Variants in KCNA2 observed in about 807,000 individuals in gnomAD.
KCNA2 encodes potassium voltage-gated channel subfamily A member 2, also known as potassium channel, voltage gated shaker related subfamily A, member 2.
In KCNA2, 11 loss-of-function variants were observed where a neutral mutation model predicts 33.4. The observed-to-expected ratio is 0.33, with a 90% CI of 0.21 to 0.55. The LOEUF (loss-of-function observed/expected upper bound fraction) is 0.55, where lower values mean the gene tolerates loss of function less well. Ranked by LOEUF, KCNA2 falls within the 20% of genes least tolerant of loss-of-function variation. KCNA2 has a pLI of 0.93. For missense variants in KCNA2, 291 were observed against 621.6 expected, an observed-to-expected ratio of 0.47 and a Z score of 5.66; for synonymous variants, 222 against 231.3, an observed-to-expected ratio of 0.96 and a Z score of 0.37.
rs536804154 is a variant in KCNA2 at position 110,616,998 on chromosome 1, G to T, written c.-495-11276C>A. On this transcript the variant is annotated intron_variant, in intron 1 of 4. Transcript: ENST00000369770. ...TCACCAAGGATGGAAATTGAGAGAT[G>T]TCTTTACGGAGGAGCAGAATGTCCA... Among the ~76,000 whole-genome samples the T allele has an allele frequency of 9.8e-5, 15 of 152,370 alleles. No homozygotes were observed. In the South Asian group the frequency reaches 3.1e-3, roughly 32 times the overall value.
At chr1:110,612,491 T>C in intron 1 of KCNA2, among the ~76,000 whole-genome samples, 1 of 152,158 alleles carries the variant, frequency 6.6e-6, no homozygotes, top group Non-Finnish European at 1.5e-5. Flanking sequence ...ACACTCCACA[T>C]GCAGCCAATC....
chr1:110,600,214 G>C lies in KCNA2; in HGVS notation c.*3069C>G. On this transcript the variant is annotated 3_prime_UTR_variant, in exon 3 of 3. Coordinates refer to ENST00000316361, the MANE Select transcript of KCNA2 (RefSeq NM_004974.4). The stretch of plus-strand genomic sequence containing the variant: ...TGTCTGCATTTCATGTGTATTGTGC[G>C]ATATTTTTGGGCATGTGTGCTATGT... 6 of 981,896 alleles carry C rather than the reference G, an allele frequency of 6.1e-6. No individual in the cohort carries two copies. Among genetic ancestry groups the C allele is most frequent in the Non-Finnish European group, 7.2e-6 (6 of 829,310 alleles). The allele number at this position is 981,896 out of a possible 1,614,324, so 60.8% of individuals were successfully genotyped here. A position where few individuals can be genotyped will look rare whatever the true frequency, so the allele number is the denominator to read the frequency against.
At position 110,603,295 on chromosome 1, in the gene KCNA2, T is replaced by A. The variant is rs772464176; in HGVS notation, c.1488A>T (p.Leu496Phe). 1 of 1,604,296 alleles carries A rather than the reference T, an allele frequency of 6.2e-7. No homozygotes were observed. The highest frequency in any genetic ancestry group is 8.5e-7 in the Non-Finnish European group (1 of 1,175,392). Reference protein sequence around the residue: ...NTNYVNITKMLTDV With the variant: ...NTNYVNITKMFTDV ...TAATAGGTTTCAATCAGACATCAGT[T>A]AACATTTTGGTAATATTCACATAGT... The change falls in exon 3 of 3, where the codon TTA (leucine) becomes TTT (phenylalanine). Residue 496 changes from leucine to phenylalanine, a missense_variant. Around this residue, in one of 5 missense-constraint regions of KCNA2, gnomAD observed 65 missense variants for 95.1 expected, o/e 0.68. Coordinates refer to ENST00000316361, the MANE Select transcript of KCNA2 (RefSeq NM_004974.4). This position sits in a 1 kb window ranked among gnomAD's most constrained non-coding sequence, Gnocchi z 5.7.
chr1:110,614,101 CT>C (rs1212759255), intron 1 of KCNA2, among the ~76,000 whole-genome samples: 1 of 152,206 alleles, frequency 6.6e-6, no homozygotes, highest in Non-Finnish European at 1.5e-5. Flanking sequence ...GCAATTCTTC[CT>C]CCCCTCCCCT....
Position 110,604,359 on chromosome 1 carries a change from C to A in KCNA2, c.424G>T (p.Glu142Ter). 1 of 1,613,748 alleles carries A rather than the reference C, an allele frequency of 6.2e-7. No individual in the cohort carries two copies. Among genetic ancestry groups the A allele is most frequent in the Non-Finnish European group, 8.5e-7 (1 of 1,179,902 alleles). ...YIKEEERPLP[E>*]NEFQRQVWLL... The stretch of plus-strand genomic sequence containing the variant: ...CACACTTGTCTCTGAAACTCATTTT[C>A]AGGCAGAGGACGCTCTTCCTCCTTG... The change falls in exon 3 of 3, where the codon GAA becomes TAA. Residue 142 changes from glutamate to a stop codon, truncating the protein, a stop_gained. Coordinates refer to ENST00000316361, the MANE Select transcript of KCNA2 (RefSeq NM_004974.4). LOFTEE classifies it high-confidence loss of function. This position sits in a 1 kb window ranked among gnomAD's most constrained non-coding sequence, Gnocchi z 7.6.
At chr1:110,626,788 G>A (rs1650403139) in intron 1 of KCNA2, among the ~76,000 whole-genome samples, 2 of 152,120 alleles carry the variant, frequency 1.3e-5, no homozygotes, top group African/African-American at 4.8e-5. Context: ...AGCCAGACCA[G>A]ACTGGTTCTG....
chr1:110,619,965 T>G (rs531773879), intron 1 of KCNA2, among the ~76,000 whole-genome samples: 1 of 152,222 alleles, frequency 6.6e-6, no homozygotes, highest in Admixed American at 6.5e-5. Flanking sequence ...CACCTCTCCC[T>G]GTTCACGTGC....
At chr1:110,612,656 G>A (rs4839072) in intron 1 of KCNA2, among the ~76,000 whole-genome samples, 27,461 of 152,114 alleles carry the variant, frequency 0.18, 3,560 homozygotes, top group East Asian at 0.41. Flanking sequence ...CCCCACAGTT[G>A]CTATAGAGAC....
chr1:110,623,368 CA>C lies in KCNA2; in HGVS notation c.-496+8026del, dbSNP rs142365866. Among the ~76,000 whole-genome samples, 676 of 152,196 alleles carry C rather than the reference CA, an allele frequency of 4.4e-3. 6 individuals are homozygous for C. The highest frequency in any genetic ancestry group is 0.015 in the African/African-American group (642 of 41,534). On this transcript the variant is annotated intron_variant, in intron 1 of 4. Transcript: ENST00000369770. ...AAAACTATATAATTTCTAGAAAAAA[CA>C]GAAAATGTTTTGACCTTGTGACCTT...
chr1:110,593,800 A>C lies in KCNA2; in HGVS notation c.*9483T>G, dbSNP rs565899294. ...AACCTATGTACAAATATCAGACCCTACTGACACAGGAACTCTCAGCTGCAG... is the reference window on the plus strand; with the variant it reads ...AACCTATGTACAAATATCAGACCCTCCTGACACAGGAACTCTCAGCTGCAG... On this transcript the variant is annotated 3_prime_UTR_variant, in exon 3 of 3. Transcript: ENST00000316361. 1 of 1,481,284 alleles carries C rather than the reference A, an allele frequency of 6.8e-7. No individual in the cohort carries two copies. The highest frequency in any genetic ancestry group is 2.0e-5 in the Admixed American group (1 of 49,342). The allele number at this position is 1,481,284 out of a possible 1,614,324, so 91.8% of individuals were successfully genotyped here. A position where few individuals can be genotyped will look rare whatever the true frequency, so the allele number is the denominator to read the frequency against.
intron 1 of KCNA2, among the ~76,000 whole-genome samples, chr1:110,618,636 C>T (rs1241608075): frequency 6.6e-6 from 1 of 152,186 alleles, no homozygotes; most frequent in Non-Finnish European, 1.5e-5. Flanking sequence ...CACCGAACAT[C>T]ATGACTTAGA....
chr1:110,629,632 C>T (rs1057003524), intron 1 of KCNA2, among the ~76,000 whole-genome samples: 13 of 152,192 alleles, frequency 8.5e-5, no homozygotes, highest in Admixed American at 8.5e-4. Flanking sequence ...TTGTGAGCAA[C>T]TTGAGGGCAG....
chr1:110,607,111 G>C (rs183679670), upstream of KCNA2: 124 of 152,372 alleles, frequency 8.1e-4, no homozygotes, highest in African/African-American at 3.0e-3. Context: ...GGCAGTGGTC[G>C]GCAAGGGCTT....
chr1:110,600,898 A>G lies in KCNA2; in HGVS notation c.*2385T>C, dbSNP rs886532516. On this transcript the variant is annotated 3_prime_UTR_variant, in exon 3 of 3. Coordinates refer to ENST00000316361, the MANE Select transcript of KCNA2 (RefSeq NM_004974.4). The stretch of plus-strand genomic sequence containing the variant: ...GAGCTGGTGCCCCATGCCCCAAGAC[A>G]ACTGTAGGTGCTAACTAGGCAGCAG... The G allele has an allele frequency of 2.0e-6, 2 of 985,462 alleles. No individual in the cohort carries two copies. Among genetic ancestry groups the G allele is most frequent in the Non-Finnish European group, 2.4e-6 (2 of 829,996 alleles). The allele number at this position is 985,462 out of a possible 1,614,324, so 61.0% of individuals were successfully genotyped here.
intron 1 of KCNA2, among the ~76,000 whole-genome samples, chr1:110,619,794 C>T (rs899013052): frequency 4.6e-5 from 7 of 152,210 alleles, no homozygotes; most frequent in Non-Finnish European, 8.8e-5. Flanking sequence ...CCTGAGGTCA[C>T]CTCTCTGACA....
rs191846589 is a variant in KCNA2, at chr1:110,594,827, G to A, written c.*8456C>T. On this transcript the variant is annotated 3_prime_UTR_variant, in exon 3 of 3. Transcript: ENST00000316361. ...CCATTTCTTAGCCTGGAGCTGATGTGCTCCTTTCCAGCCCCACCTGGCAGG... is the reference window on the plus strand; with the variant it reads ...CCATTTCTTAGCCTGGAGCTGATGTACTCCTTTCCAGCCCCACCTGGCAGG... 11 of 985,416 alleles carry A rather than the reference G, an allele frequency of 1.1e-5. No individual in the cohort carries two copies. The allele number at this position is 985,416 out of a possible 1,614,324, so 61.0% of individuals were successfully genotyped here. A position where few individuals can be genotyped will look rare whatever the true frequency, so the allele number is the denominator to read the frequency against.
chr1:110,603,434 G>C lies in KCNA2; in HGVS notation c.1349C>G (p.Ala450Gly). Residue 450 changes from alanine (A) to glycine (G), a missense_variant, in exon 3 of 3, where the codon GCC (alanine) becomes GGC (glycine). Ala to Gly is a moderately conservative substitution (Grantham distance 60, BLOSUM62 0). Coordinates refer to ENST00000316361, the MANE Select transcript of KCNA2 (RefSeq NM_004974.4). The surrounding 1 kb of genome is among the most constrained non-coding windows in gnomAD (Gnocchi z 5.7). ...GTAATCAGACTTACTAATGGTAGAG[G>C]CACTTCTACTTTTCTTTAGGTCAGG... Reference protein sequence around the residue: ...SSPDLKKSRSASTISKSDYME... With the variant: ...SSPDLKKSRSGSTISKSDYME... 6.2e-7 allele frequency: 1 copy of C among 1,614,068 alleles called. No homozygotes were observed. The highest frequency in any genetic ancestry group is 1.1e-5 in the South Asian group (1 of 91,070).
Position 110,603,109 on chromosome 1 carries a change from T to C in KCNA2, c.*174A>G, listed in dbSNP as rs1197450200. The stretch of plus-strand genomic sequence containing the variant: ...GTGATGAGGATGTGCATGAAAGCCA[T>C]GATAGATATTCTGTGTTCTAAATCA... On this transcript the variant is annotated 3_prime_UTR_variant, in exon 3 of 3. Coordinates refer to ENST00000316361, the MANE Select transcript of KCNA2 (RefSeq NM_004974.4). This position sits in a 1 kb window ranked among gnomAD's most constrained non-coding sequence, Gnocchi z 5.7. 1.4e-6 allele frequency: 2 copies of C among 1,424,562 alleles called. No individual in the cohort carries two copies. Among genetic ancestry groups the C allele is most frequent in the African/African-American group, 2.9e-5 (2 of 69,436 alleles). The allele number at this position is 1,424,562 out of a possible 1,614,324, so 88.2% of individuals were successfully genotyped here. A position where few individuals can be genotyped will look rare whatever the true frequency, so the allele number is the denominator to read the frequency against.
upstream of KCNA2, among the ~76,000 whole-genome samples, chr1:110,608,751 G>C (rs1019562325): frequency 3.3e-5 from 5 of 152,158 alleles, no homozygotes; most frequent in Non-Finnish European, 4.4e-5. Flanking sequence ...CAGTCAGATG[G>C]AAACGTAACT....
Sources: gnomAD v4.1 joint callset for allele counts (sites outside exome capture counted in the v4.1 genomes callset) on GRCh38, gnomAD v4.1.1 for gene constraint, gnomAD v4.1.1 regional missense constraint, Gnocchi (gnomAD v3.1) non-coding constraint, MANE v1.5 for transcripts, NCBI Gene and HGNC (gene_info 2026-07-23, HGNC 2026-07-21) for gene names.